PDE3A: variants seen among roughly 807,000 people sequenced by gnomAD.
PDE3A encodes the protein cGMP-inhibited 3',5'-cyclic phosphodiesterase 3A.
Under a neutral mutation model 98.3 loss-of-function variants are expected in PDE3A, and 43 were observed. That is an observed-to-expected ratio of 0.44 (90% confidence interval 0.34 to 0.56). PDE3A has a LOEUF of 0.56. Ranked by LOEUF, PDE3A falls within the 20% of genes least tolerant of loss-of-function variation. The pLI, the probability that PDE3A is intolerant of heterozygous loss-of-function variation, is 0.01. For synonymous variants in PDE3A, 663 were observed against 567.9 expected, an observed-to-expected ratio of 1.17 and a Z score of -2.38; for missense variants, 1,427 against 1,440.7, an observed-to-expected ratio of 0.99 and a Z score of 0.15.
intron 1 of PDE3A, among the ~76,000 whole-genome samples, chr12:20,381,625 T>C (rs1226290691): frequency 6.6e-6 from 1 of 151,896 alleles, no homozygotes; most frequent in African/African-American, 2.4e-5. Flanking sequence ...CGAACTCTCC[T>C]GACATTCATT....
At chr12:20,471,557 C>T (rs145203889) in intron 1 of PDE3A, among the ~76,000 whole-genome samples, 31 of 152,228 alleles carry the variant, frequency 2.0e-4, no homozygotes, top group African/African-American at 7.5e-4. Flanking sequence ...TCTCAGAGTG[C>T]CATTGCTATT....
chr12:20,647,095 T>G, intron 12 of PDE3A, 145 bp downstream of exon 12: 1 of 608,542 alleles, frequency 1.6e-6, no homozygotes, highest in Non-Finnish European at 2.9e-6. Context: ...CCGTGCTAAT[T>G]CTGAAAAGAA....
At chr12:20,577,499 G>A (rs191648179) in intron 2 of PDE3A, among the ~76,000 whole-genome samples, 55 of 152,104 alleles carry the variant, frequency 3.6e-4, no homozygotes, top group Non-Finnish European at 6.9e-4. Flanking sequence ...AAACTGAACC[G>A]CATATTCAGT....
At chr12:20,538,041 ATAGT>A (rs1444734908) in intron 1 of PDE3A, among the ~76,000 whole-genome samples, 2 of 152,168 alleles carry the variant, frequency 1.3e-5, no homozygotes, top group Non-Finnish European at 1.5e-5. Context: ...TACCAATCAG[ATAGT>A]TAGAAAGATA....
In PDE3A at chr12:20,526,884, CTGTGTGTGTGTGTGTG is replaced by C. The variant is rs71039949; in HGVS notation, c.961-29742_961-29727del. ...TAAGGCCATTAGGAGACATTTTTTT[CTGTGTGTGTGTGTGTG>C]TGTGTGTGTGTGTGTGTGTGTGTGT... On this transcript the variant is annotated intron_variant, in intron 1 of 15. Coordinates refer to ENST00000359062, the MANE Select transcript of PDE3A (RefSeq NM_000921.5). Among the ~76,000 whole-genome samples the C allele has an allele frequency of 3.1e-3, 420 of 136,932 alleles. 7 individuals are homozygous for C. Among genetic ancestry groups the C allele is most frequent in the Middle Eastern group, 0.011 (3 of 270 alleles). 89.8% of individuals were successfully genotyped at this position (136,932 alleles called of 152,430 possible).
intron 2 of PDE3A, among the ~76,000 whole-genome samples, chr12:20,585,262 G>A (rs1943164988): frequency 6.6e-6 from 1 of 152,194 alleles, no homozygotes; most frequent in South Asian, 2.1e-4. Context: ...GTTCCAGGGA[G>A]TTGTTAGAGA....
At chr12:20,637,918 A>G (rs1944555635) in intron 9 of PDE3A, among the ~76,000 whole-genome samples, 1 of 152,176 alleles carries the variant, frequency 6.6e-6, no homozygotes, top group Admixed American at 6.6e-5. Flanking sequence ...TGGAATAGCT[A>G]TCGAAATACA....
intron 1 of PDE3A, among the ~76,000 whole-genome samples, chr12:20,421,467 C>A (rs1171003923): frequency 2.0e-5 from 3 of 152,046 alleles, no homozygotes; most frequent in Admixed American, 2.0e-4. Flanking sequence ...GCTTTAATTG[C>A]AGCGAAGTTA....
chr12:20,552,613 C>A lies in PDE3A; in HGVS notation c.961-4047C>A, dbSNP rs952905236. The stretch of plus-strand genomic sequence containing the variant: ...AGGTGGCCCGAGCAGGGCCGGGTCC[C>A]CGCGCCGGACATCCAAGAAAACCAA... On this transcript the variant is annotated intron_variant, in intron 1 of 15. Coordinates refer to ENST00000359062, the MANE Select transcript of PDE3A (RefSeq NM_000921.5). The surrounding 1 kb of genome is among the most constrained non-coding windows in gnomAD (Gnocchi z 5.1). 8.7e-6 allele frequency: 14 copies of A among 1,613,590 alleles called. No homozygotes were observed. The East Asian group carries it at 2.9e-4, about 33-fold the overall frequency.
intron 15 of PDE3A, among the ~76,000 whole-genome samples, chr12:20,667,594 T>C (rs1945348816): frequency 6.6e-6 from 1 of 152,186 alleles, no homozygotes; most frequent in Admixed American, 6.5e-5. Flanking sequence ...AATACATGCA[T>C]TTATTTCTGG....
chr12:20,484,461 G>C (rs1426143309), intron 1 of PDE3A, among the ~76,000 whole-genome samples: 1 of 152,150 alleles, frequency 6.6e-6, no homozygotes, highest in African/African-American at 2.4e-5. Flanking sequence ...TATTGGGTAA[G>C]GGAAAATGTG....
chr12:20,482,983 T>C (rs1221541278), intron 1 of PDE3A, among the ~76,000 whole-genome samples: 2 of 152,186 alleles, frequency 1.3e-5, no homozygotes, highest in Non-Finnish European at 2.9e-5. Context: ...TTGATTTTTT[T>C]AAAACATAAA....
At chr12:20,563,723 C>T (rs1942588295) in intron 2 of PDE3A, among the ~76,000 whole-genome samples, 1 of 152,034 alleles carries the variant, frequency 6.6e-6, no homozygotes, top group Admixed American at 6.6e-5. Flanking sequence ...TAACGGGGAC[C>T]ACACAAAATA....
At chr12:20,674,596 T>A (rs1020413518) in intron 15 of PDE3A, among the ~76,000 whole-genome samples, 3 of 152,284 alleles carry the variant, frequency 2.0e-5, no homozygotes, top group Admixed American at 1.3e-4. Flanking sequence ...AACTTTTTAT[T>A]GTTGGGAGTC....
At chr12:20,464,255 A>G (rs976709808) in intron 1 of PDE3A, among the ~76,000 whole-genome samples, 1 of 152,204 alleles carries the variant, frequency 6.6e-6, no homozygotes, top group Admixed American at 6.5e-5. Flanking sequence ...TAATAATTCA[A>G]CAGAGTATGC....
intron 1 of PDE3A, among the ~76,000 whole-genome samples, chr12:20,541,366 A>G (rs143145539): frequency 0.011 from 1,616 of 152,040 alleles, 25 homozygotes; most frequent in African/African-American, 0.037. Context: ...CAGTCTCTCA[A>G]AGTGCTGGGA....
intron 2 of PDE3A, among the ~76,000 whole-genome samples, chr12:20,576,849 A>G (rs1942943339): frequency 6.6e-6 from 1 of 152,074 alleles, no homozygotes; most frequent in Non-Finnish European, 1.5e-5. Context: ...TGTCCAGTTG[A>G]CAGAATACAA....
At chr12:20,467,665 G>A (rs957296108) in intron 1 of PDE3A, among the ~76,000 whole-genome samples, 1 of 151,878 alleles carries the variant, frequency 6.6e-6, no homozygotes, top group African/African-American at 2.4e-5. Context: ...GGCCGGGCAC[G>A]GTGGCTCCTG....
At chr12:20,634,217 T>C (rs979815819) in intron 7 of PDE3A, among the ~76,000 whole-genome samples, 2 of 152,200 alleles carry the variant, frequency 1.3e-5, no homozygotes, top group African/African-American at 2.4e-5. Context: ...ACTTCTGACA[T>C]TGGAAGTACT....
Sources: gnomAD v4.1 joint callset for allele counts (sites outside exome capture counted in the v4.1 genomes callset) on GRCh38, gnomAD v4.1.1 for gene constraint, Gnocchi (gnomAD v3.1) non-coding constraint, MANE v1.5 for transcripts, NCBI Gene and HGNC (gene_info 2026-07-23, HGNC 2026-07-21) for gene names.